EIF2AK3: variants seen among roughly 807,000 people sequenced by gnomAD.
EIF2AK3 encodes eukaryotic translation initiation factor 2 alpha kinase 3, also known as eukaryotic translation initiation factor 2-alpha kinase 3.
In EIF2AK3, 50 loss-of-function variants were observed where a neutral mutation model predicts 113.5. The ratio of observed to expected loss-of-function variants is 0.44; its 90% CI spans 0.35 to 0.56. The LOEUF is 0.56. Among genes scored for constraint, EIF2AK3 ranks in the 20% least tolerant of loss-of-function variants. The pLI is 0.00. For missense variants in EIF2AK3, 1,185 were observed against 1,378.0 expected (o/e 0.86, Z 2.22); for synonymous variants, 448 against 495.4 (o/e 0.90, Z 1.27).
At chr2:88,558,020 T>G in intron 16 of EIF2AK3, 84 bp from the exon 17 acceptor site, 2 of 1,357,550 alleles carry the variant, frequency 1.5e-6, no homozygotes, top group South Asian at 2.4e-5. Context: ...GCAAAATATT[T>G]CTGTACATAT....
intron 14 of EIF2AK3, among the ~76,000 whole-genome samples, chr2:88,570,436 G>A (rs967555474): frequency 6.6e-6 from 1 of 152,164 alleles, no homozygotes; most frequent in African/African-American, 2.4e-5. Flanking sequence ...AACACCTGCC[G>A]GCCTGTGTGC....
At chr2:88,566,933 G>C (rs921654118) in intron 14 of EIF2AK3, among the ~76,000 whole-genome samples, 1 of 152,064 alleles carries the variant, frequency 6.6e-6, no homozygotes, top group Non-Finnish European at 1.5e-5. Context: ...GAGTGACAAA[G>C]ACCCTGTCTC....
chr2:88,612,306 A>G (rs1282993461), intron 2 of EIF2AK3, among the ~76,000 whole-genome samples: 2 of 152,216 alleles, frequency 1.3e-5, no homozygotes, highest in Admixed American at 6.5e-5. Flanking sequence ...GCAGCTTACA[A>G]TCTTCTCATT....
intron 6 of EIF2AK3, among the ~76,000 whole-genome samples, chr2:88,589,798 C>A (rs1327984234): frequency 6.6e-6 from 1 of 151,978 alleles, no homozygotes; most frequent in African/African-American, 2.4e-5. Flanking sequence ...ATCCTCCCAT[C>A]TCAGCCTCTG....
intron 3 of EIF2AK3, among the ~76,000 whole-genome samples, chr2:88,594,234 C>T (rs1405100158): frequency 8.5e-5 from 13 of 152,174 alleles, no homozygotes; most frequent in Admixed American, 8.5e-4. Flanking sequence ...GTATATAAAC[C>T]GTTTACACGT....
At position 88,591,037 on chromosome 2, in the gene EIF2AK3, A is replaced by G. The variant is rs759547092; in HGVS notation, c.783T>C (p.Val261=). 4 of 1,614,088 alleles carry G rather than the reference A, an allele frequency of 2.5e-6. No homozygotes were observed. Among genetic ancestry groups the G allele is most frequent in the Admixed American group, 1.7e-5 (1 of 60,018 alleles). The change falls in exon 5 of 17, where the codon GTT becomes GTC. Residue 261 remains valine, a synonymous_variant. Transcript: ENST00000303236. ...GAATATACCGAAGTTCAAAGTGGCCAACACTGAAATTCCACCTTAAATTTA... is the reference window on the plus strand; with the variant it reads ...GAATATACCGAAGTTCAAAGTGGCCGACACTGAAATTCCACCTTAAATTTA... The part of the protein sequence containing the change: ...RSGNEKWNFS[V]GHFELRYIPD...
intron 14 of EIF2AK3, among the ~76,000 whole-genome samples, chr2:88,565,105 C>G (rs1197427070): frequency 6.9e-6 from 1 of 145,208 alleles, no homozygotes; most frequent in Non-Finnish European, 1.5e-5. Flanking sequence ...GGCAAGATGT[C>G]GGCTCACTGC....
intron 15 of EIF2AK3, among the ~76,000 whole-genome samples, chr2:88,561,115 T>C (rs1388610334): frequency 1.3e-5 from 2 of 151,332 alleles, no homozygotes; most frequent in Non-Finnish European, 2.9e-5. Context: ...CTACCATGCC[T>C]TGCTAATTTT....
At chr2:88,568,034 T>G (rs1674188164) in intron 14 of EIF2AK3, among the ~76,000 whole-genome samples, 1 of 152,190 alleles carries the variant, frequency 6.6e-6, no homozygotes, top group Non-Finnish European at 1.5e-5. Flanking sequence ...TGGCAGGATC[T>G]TGGCTCACTG....
intron 10 of EIF2AK3, 61 bp from the exon 11 acceptor site, chr2:88,579,701 A>G (rs1674550770): frequency 1.3e-6 from 2 of 1,502,212 alleles, no homozygotes; most frequent in Non-Finnish European, 1.8e-6. Flanking sequence ...TGGTAATGTG[A>G]AAATCAGTTC....
In EIF2AK3 at chr2:88,588,918, AT is replaced by A; in HGVS notation, c.1166-18del. 6.2e-7 allele frequency: 1 copy of A among 1,612,378 alleles called. No individual in the cohort carries two copies. ...TATACATTCCTGAATCAACCAGAAC[AT>A]TGTCAATTATGCATTGATTTTTTTA... is the stretch of plus-strand genomic sequence containing the variant. On this transcript the variant is annotated intron_variant, in intron 6 of 16. Coordinates refer to ENST00000303236, the MANE Select transcript of EIF2AK3 (RefSeq NM_004836.7).
chr2:88,582,284 G>C (rs896661848), intron 10 of EIF2AK3, among the ~76,000 whole-genome samples: 3 of 152,208 alleles, frequency 2.0e-5, no homozygotes, highest in African/African-American at 7.2e-5. Flanking sequence ...GTGTAAGAAA[G>C]AGTAGGTCTG....
chr2:88,557,589 T>C lies in EIF2AK3; in HGVS notation c.*147A>G. 1.2e-6 allele frequency: 1 copy of C among 855,556 alleles called. No homozygotes were observed. Among genetic ancestry groups the C allele is most frequent in the Non-Finnish European group, 1.9e-6 (1 of 516,580 alleles). The allele number at this position is 855,556 out of a possible 1,614,324, so 53.0% of individuals were successfully genotyped here. On this transcript the variant is annotated 3_prime_UTR_variant, in exon 17 of 17. Coordinates refer to ENST00000303236, the MANE Select transcript of EIF2AK3 (RefSeq NM_004836.7). ...GCTCAAATTAGGTTATGCCCCCAAA[T>C]CCAGCTTAAATTTGATATAAAAAAA...
chr2:88,573,982 G>A (rs1413464104), intron 13 of EIF2AK3, among the ~76,000 whole-genome samples: 7 of 152,036 alleles, frequency 4.6e-5, no homozygotes, highest in Admixed American at 6.6e-5. Flanking sequence ...ACACTACTAC[G>A]GAAATGTCAT....
At position 88,562,349 on chromosome 2, in the gene EIF2AK3, AG is replaced by A; in HGVS notation, c.3026del (p.Ser1009PhefsTer2). 6.2e-7 allele frequency: 1 copy of A among 1,614,138 alleles called. No individual in the cohort carries two copies. The highest frequency in any genetic ancestry group is 8.5e-7 in the Non-Finnish European group (1 of 1,180,000). ...NSYSHKVDIF[S>X]LGLILFELLY... ...GCAATTCAAATAGAATCAGGCCTAA[AG>A]AAAAGATGTCCACTTTATGAGAATA... is the stretch of plus-strand genomic sequence containing the variant. On this transcript the variant is annotated frameshift_variant, in exon 15 of 17. Transcript: ENST00000303236. LOFTEE classifies it high-confidence loss of function.
Position 88,575,124 on chromosome 2 carries a change from G to A in EIF2AK3, c.2359C>T (p.Leu787Phe), listed in dbSNP as rs1467191584. ...TAAGGAGAAGCTTCAGAAGGACAAA[G>A]TTCAAAGGAGTGCCCCTCATCATTG... ...DGNDEGHSFE[L>F]CPSEASPYVR... The change falls in exon 13 of 17, where the codon CTT becomes TTT. Residue 787 changes from leucine to phenylalanine, a missense_variant. By Grantham distance (22) the Leu-to-Phe change is conservative (BLOSUM62 0). Coordinates refer to ENST00000303236, the MANE Select transcript of EIF2AK3 (RefSeq NM_004836.7). 1 of 1,614,184 alleles carries A rather than the reference G, an allele frequency of 6.2e-7. No homozygotes were observed. Among genetic ancestry groups the A allele is most frequent in the East Asian group, 2.2e-5 (1 of 44,876 alleles).
chr2:88,576,122 A>G (rs1413634491), intron 12 of EIF2AK3, among the ~76,000 whole-genome samples: 2 of 152,242 alleles, frequency 1.3e-5, no homozygotes, highest in Non-Finnish European at 2.9e-5. Flanking sequence ...GAACTAAATA[A>G]CAAACATTTT....
intron 10 of EIF2AK3, among the ~76,000 whole-genome samples, chr2:88,580,621 GAA>G (rs1674575555): frequency 6.6e-6 from 1 of 152,120 alleles, no homozygotes; most frequent in Non-Finnish European, 1.5e-5. Context: ...CTGACAAACC[GAA>G]AGTCTAACAA....
chr2:88,614,679 A>G (rs149845029), intron 1 of EIF2AK3, among the ~76,000 whole-genome samples: 123 of 152,218 alleles, frequency 8.1e-4, no homozygotes, highest in Non-Finnish European at 1.6e-3. Context: ...CAAGCCACTG[A>G]TACTACAACC....
Sources: gnomAD v4.1 joint callset for allele counts (sites outside exome capture counted in the v4.1 genomes callset) on GRCh38, gnomAD v4.1.1 for gene constraint, MANE v1.5 for transcripts, NCBI Gene and HGNC (gene_info 2026-07-23, HGNC 2026-07-21) for gene names.